Variants in MKLN1 observed in about 807,000 individuals in gnomAD.
MKLN1 encodes muskelin 1.
MKLN1 carries 18 observed loss-of-function variants against 99.0 expected under a neutral mutation model. That is an observed-to-expected ratio of 0.18 (90% CI 0.13 to 0.27). The LOEUF is 0.27. MKLN1 is among the 10% of genes least tolerant of loss of function. The pLI, the probability that MKLN1 is intolerant of heterozygous loss-of-function variation, is 1.00. For synonymous variants in MKLN1, 288 were observed against 293.2 expected, an observed-to-expected ratio of 0.98 and a Z score of 0.18; for missense variants, 621 against 875.9, an observed-to-expected ratio of 0.71 and a Z score of 3.67.
chr7:131,240,776 T>C (rs1797390617), intron 3 of MKLN1, among the ~76,000 whole-genome samples: 1 of 152,226 alleles, frequency 6.6e-6, no homozygotes, highest in Non-Finnish European at 1.5e-5. Context: ...GCAAATGGGA[T>C]ACCAAGTTGT....
At chr7:131,425,595 T>G (rs1795335563) in intron 8 of MKLN1, among the ~76,000 whole-genome samples, 1 of 152,226 alleles carries the variant, frequency 6.6e-6, no homozygotes, top group South Asian at 2.1e-4. Context: ...ACTCAAAAAG[T>G]GTTGAATAAA....
chr7:131,402,124 A>G (rs909558602), intron 6 of MKLN1, among the ~76,000 whole-genome samples: 1 of 152,230 alleles, frequency 6.6e-6, no homozygotes, highest in African/African-American at 2.4e-5. Context: ...AATTGGAGTC[A>G]ATCCTCTCAA....
chr7:131,463,294 AAAGAT>A lies in MKLN1; in HGVS notation c.1607_1611del (p.Asp536GlyfsTer8). The stretch of plus-strand genomic sequence containing the variant: ...AATACACGTCTTATCTGGACTCAGC[AAAGAT>A]AAGGAAAAGAGGGAAGAAAATGTTA... On this transcript the variant is annotated frameshift_variant, in exon 13 of 18. Transcript: ENST00000352689. LOFTEE classifies it high-confidence loss of function. The A allele has an allele frequency of 6.2e-7, 1 of 1,611,324 alleles. No individual in the cohort carries two copies. The highest frequency in any genetic ancestry group is 8.5e-7 in the Non-Finnish European group (1 of 1,178,258).
chr7:131,219,897 T>C (rs977607311), intron 3 of MKLN1, among the ~76,000 whole-genome samples: 2 of 152,206 alleles, frequency 1.3e-5, no homozygotes, highest in Non-Finnish European at 2.9e-5. Flanking sequence ...GGTTTCCTCT[T>C]ACGTGATCCT....
intron 17 of MKLN1, among the ~76,000 whole-genome samples, chr7:131,480,033 A>C (rs1193547881): frequency 6.6e-6 from 1 of 150,544 alleles, no homozygotes; most frequent in East Asian, 1.9e-4. Flanking sequence ...AAAAAAAAAA[A>C]AAAAAAAATA....
upstream of MKLN1, among the ~76,000 whole-genome samples, chr7:131,325,971 GT>G (rs1798880202): frequency 6.6e-6 from 1 of 151,912 alleles, no homozygotes; most frequent in Non-Finnish European, 1.5e-5. Flanking sequence ...CTGTTAAACA[GT>G]TTAGAAGGGT....
chr7:131,474,705 G>A (rs1671202419), intron 16 of MKLN1, among the ~76,000 whole-genome samples: 2 of 152,208 alleles, frequency 1.3e-5, no homozygotes, highest in South Asian at 4.1e-4. Context: ...AAAGTGAAAA[G>A]TTGGCCTTTT....
At chr7:131,160,929 G>A (rs1451620458) in intron 2 of MKLN1, among the ~76,000 whole-genome samples, 1 of 152,142 alleles carries the variant, frequency 6.6e-6, no homozygotes, top group Non-Finnish European at 1.5e-5. Context: ...GGTTGCTTTA[G>A]CAAATGTCCT....
chr7:131,136,870 A>G (rs1795656573), intron 1 of MKLN1, among the ~76,000 whole-genome samples: 1 of 152,218 alleles, frequency 6.6e-6, no homozygotes, highest in Non-Finnish European at 1.5e-5. Flanking sequence ...ATACAAAGAC[A>G]GAGCCCCAAA....
chr7:131,479,553 G>T (rs1387856281), intron 17 of MKLN1, among the ~76,000 whole-genome samples: 1 of 150,024 alleles, frequency 6.7e-6, no homozygotes, highest in African/African-American at 2.5e-5. Flanking sequence ...TAGGCCGGGC[G>T]TGGTGGCTCA....
intron 2 of MKLN1, among the ~76,000 whole-genome samples, chr7:131,187,035 A>G (rs1796461443): frequency 6.6e-6 from 1 of 152,060 alleles, no homozygotes; most frequent in Non-Finnish European, 1.5e-5. Flanking sequence ...CATTCAGGGA[A>G]CTCCGAGTAG....
intron 2 of MKLN1, among the ~76,000 whole-genome samples, chr7:131,147,622 T>C (rs12706963): frequency 0.97 from 147,479 of 152,296 alleles, 71,602 homozygotes; most frequent in East Asian, 1. Context: ...CACCATTTTA[T>C]AAATAAGAAA....
At chr7:131,340,001 A>G (rs368954228) in intron 1 of MKLN1, among the ~76,000 whole-genome samples, 19 of 152,252 alleles carry the variant, frequency 1.2e-4, no homozygotes, top group East Asian at 9.6e-4. Flanking sequence ...GAAATGGTAT[A>G]ATAAGCTACT....
chr7:131,275,365 G>GTTTT (rs909251138), intron 3 of MKLN1, among the ~76,000 whole-genome samples: 6 of 105,200 alleles, frequency 5.7e-5, no homozygotes, highest in Admixed American at 9.7e-5. Flanking sequence ...GTTGTTGTTG[G>GTTTT]TTTTTTTTTT....
chr7:131,143,225 T>C (rs1486234913), intron 2 of MKLN1, among the ~76,000 whole-genome samples: 1 of 152,130 alleles, frequency 6.6e-6, no homozygotes, highest in Non-Finnish European at 1.5e-5. Context: ...TCCCAGCACT[T>C]TGGGAGGCCG....
intron 1 of MKLN1, among the ~76,000 whole-genome samples, chr7:131,356,493 A>G (rs1799885989): frequency 6.6e-6 from 1 of 152,082 alleles, no homozygotes; most frequent in South Asian, 2.1e-4. Flanking sequence ...GACGAAGGTC[A>G]GTCTTCTGTA....
intron 8 of MKLN1, among the ~76,000 whole-genome samples, chr7:131,420,346 T>C (rs1795156167): frequency 1.3e-5 from 2 of 151,938 alleles, no homozygotes; most frequent in Non-Finnish European, 2.9e-5. Flanking sequence ...AAAGGTATCA[T>C]ATAGAGCTGA....
At chr7:131,296,507 A>T (rs538960111) in intron 3 of MKLN1, among the ~76,000 whole-genome samples, 1 of 152,332 alleles carries the variant, frequency 6.6e-6, no homozygotes, top group East Asian at 1.9e-4. Context: ...ATTTTAAATC[A>T]GTTTGAAGTT....
At chr7:131,358,483 G>A (rs1433979544) in intron 1 of MKLN1, among the ~76,000 whole-genome samples, 1 of 152,110 alleles carries the variant, frequency 6.6e-6, no homozygotes, top group Non-Finnish European at 1.5e-5. Flanking sequence ...GAGATTGGCT[G>A]GAGGTTTTCT....
Sources: gnomAD v4.1 joint callset for allele counts (sites outside exome capture counted in the v4.1 genomes callset) on GRCh38, gnomAD v4.1.1 for gene constraint, MANE v1.5 for transcripts, NCBI Gene and HGNC (gene_info 2026-07-23, HGNC 2026-07-21) for gene names.